Variants in TMEM63C observed in about 807,000 individuals in gnomAD.
The protein encoded by TMEM63C is transmembrane protein 63C.
A neutral mutation model predicts 99.2 loss-of-function variants in TMEM63C; 32 were observed. That is an observed-to-expected ratio of 0.32 (90% CI 0.24 to 0.43). The LOEUF (loss-of-function observed/expected upper bound fraction) is 0.43, where lower values mean the gene tolerates loss of function less well. Ranked by LOEUF, TMEM63C falls within the 20% of genes least tolerant of loss-of-function variation. TMEM63C has a pLI of 1.00. For missense variants in TMEM63C, 826 were observed against 1,053.0 expected, an observed-to-expected ratio of 0.78 and a Z score of 2.98; for synonymous variants, 376 against 397.9, an observed-to-expected ratio of 0.94 and a Z score of 0.66.
intron 1 of TMEM63C, among the ~76,000 whole-genome samples, chr14:77,183,329 T>C (rs933469029): frequency 8.5e-5 from 13 of 152,232 alleles, no homozygotes; most frequent in African/African-American, 3.1e-4. Flanking sequence ...AAGGGCCTCC[T>C]GATGGGTGTG....
chr14:77,240,675 C>T, intron 13 of TMEM63C, 67 bp downstream of exon 13: 1 of 1,564,282 alleles, frequency 6.4e-7, no homozygotes, highest in South Asian at 1.2e-5. Flanking sequence ...TCTCCTCCCT[C>T]TCCACCTCCA....
rs113202091 is a variant in TMEM63C at position 77,220,173 on chromosome 14, C to G, written c.312+86C>G. 7 of 1,305,912 alleles carry G rather than the reference C, an allele frequency of 5.4e-6. No individual in the cohort carries two copies. The African/African-American group carries it at 7.3e-5, about 14-fold the overall frequency. 80.9% of individuals were successfully genotyped at this position (1,305,912 alleles called of 1,614,324 possible). On this transcript the variant is annotated intron_variant, in intron 5 of 23. Transcript: ENST00000298351. ...TGCACAGGAAGAAACACGGCTTAGACCTTGGGGCTTTGTAATCAGCCAGCC... is the reference window on the plus strand; with the variant it reads ...TGCACAGGAAGAAACACGGCTTAGAGCTTGGGGCTTTGTAATCAGCCAGCC...
chr14:77,206,843 G>GT (rs1237240106), intron 1 of TMEM63C, among the ~76,000 whole-genome samples: 1 of 152,074 alleles, frequency 6.6e-6, no homozygotes, highest in Non-Finnish European at 1.5e-5. Context: ...AGAAAAAAAT[G>GT]TTAAGGACTG....
chr14:77,240,820 CGGG>C (rs1889157095), intron 13 of TMEM63C, among the ~76,000 whole-genome samples: 1 of 152,190 alleles, frequency 6.6e-6, no homozygotes, highest in Non-Finnish European at 1.5e-5. Flanking sequence ...GTGCCCAGGC[CGGG>C]GCTCCTCACT....
chr14:77,207,385 G>A (rs1175992300), intron 1 of TMEM63C, among the ~76,000 whole-genome samples: 1 of 152,210 alleles, frequency 6.6e-6, no homozygotes, highest in Non-Finnish European at 1.5e-5. Flanking sequence ...CATAAGATGG[G>A]ATAAAAATAG....
chr14:77,238,736 G>A lies in TMEM63C; in HGVS notation c.694G>A (p.Glu232Lys). ...LMITYVPKDIEDPELIIKHFH... is the reference protein window; with the variant it reads ...LMITYVPKDIKDPELIIKHFH... ...GATCACCTATGTGCCCAAGGACATT[G>A]AAGACCCAGAACTCATCATTAAGCA... Residue 232 changes from glutamate (E) to lysine (K), a missense_variant, in exon 10 of 24, where the codon GAA becomes AAA. Transcript: ENST00000298351. The A allele has an allele frequency of 3.7e-6, 6 of 1,613,994 alleles. No individual in the cohort carries two copies. The highest frequency in any genetic ancestry group is 2.2e-5 in the South Asian group (2 of 91,088).
At chr14:77,243,203 C>A (rs916280796) in intron 15 of TMEM63C, 147 bp downstream of exon 15, 5 of 974,342 alleles carry the variant, frequency 5.1e-6, no homozygotes, top group Non-Finnish European at 5.9e-6. Flanking sequence ...GTGCAAATGG[C>A]GGGGTAGGGC....
At chr14:77,247,172 A>T (rs902650886) in intron 18 of TMEM63C, among the ~76,000 whole-genome samples, 3 of 152,108 alleles carry the variant, frequency 2.0e-5, no homozygotes, top group African/African-American at 4.8e-5. Context: ...TTAAAAATCA[A>T]ATTTTTGACA....
At chr14:77,182,627 GA>G (rs1158329143) in intron 1 of TMEM63C, among the ~76,000 whole-genome samples, 1 of 152,018 alleles carries the variant, frequency 6.6e-6, no homozygotes, top group East Asian at 1.9e-4. Flanking sequence ...TTCCTCTCTA[GA>G]CCCCAGGACC....
intron 1 of TMEM63C, among the ~76,000 whole-genome samples, chr14:77,195,812 C>A (rs1051831391): frequency 6.6e-6 from 1 of 152,368 alleles, no homozygotes; most frequent in East Asian, 1.9e-4. Flanking sequence ...TGGTAGCTCC[C>A]AGCTCACCTA....
chr14:77,219,979 C>G, intron 4 of TMEM63C, 27 bp from the exon 5 acceptor site: 1 of 1,550,202 alleles, frequency 6.5e-7, no homozygotes, highest in Non-Finnish European at 8.7e-7. Flanking sequence ...TCCTTTCTTA[C>G]CTCCCTGCCC....
chr14:77,248,557 G>A, intron 19 of TMEM63C, 48 bp downstream of exon 19: 1 of 1,556,006 alleles, frequency 6.4e-7, no homozygotes, highest in Non-Finnish European at 8.7e-7. Flanking sequence ...TCCTTTGGGA[G>A]GGTGTCAGGG....
At chr14:77,186,595 G>A (rs1432625360) in intron 1 of TMEM63C, among the ~76,000 whole-genome samples, 1 of 152,154 alleles carries the variant, frequency 6.6e-6, no homozygotes, top group African/African-American at 2.4e-5. Flanking sequence ...GGAGGCTGAG[G>A]TGGGAGGATC....
chr14:77,200,632 C>G (rs1566617730), intron 1 of TMEM63C, among the ~76,000 whole-genome samples: 1 of 152,264 alleles, frequency 6.6e-6, no homozygotes, highest in African/African-American at 2.4e-5. Flanking sequence ...TGGCCCCCAT[C>G]CTGGCTCTGC....
Position 77,236,730 on chromosome 14 carries a change from A to G in TMEM63C, c.649A>G (p.Lys217Glu), listed in dbSNP as rs779730421. Residue 217 changes from lysine (K) to glutamate (E), a missense_variant and splice_region_variant, in exon 9 of 24, where the codon AAG (lysine) becomes GAG (glutamate). By Grantham distance (56) the Lys-to-Glu change is moderately conservative. Transcript: ENST00000298351. ...GGGGTTTGCACCCAGGAATAGCCAA[A>G]AGGTAAGTAGCCTACAAAGCTGCTT... ...CLGFAPRNSQKVTRTLMITYV... is the reference protein window; with the variant it reads ...CLGFAPRNSQEVTRTLMITYV... 1 of 1,606,250 alleles carries G rather than the reference A, an allele frequency of 6.2e-7. No homozygotes were observed.
At chr14:77,217,113 G>A (rs1483495996) in intron 2 of TMEM63C, among the ~76,000 whole-genome samples, 5 of 151,866 alleles carry the variant, frequency 3.3e-5, no homozygotes, top group Non-Finnish European at 5.9e-5. Flanking sequence ...CTATGATTGT[G>A]CCACCGTGAC....
chr14:77,223,430 T>C (rs1888760825), intron 5 of TMEM63C, among the ~76,000 whole-genome samples: 1 of 152,140 alleles, frequency 6.6e-6, no homozygotes, highest in Non-Finnish European at 1.5e-5. Context: ...CATGGTTCCC[T>C]GAGCAAGTTG....
chr14:77,236,551 C>A, intron 8 of TMEM63C, 73 bp from the exon 9 acceptor site: 4 of 1,089,688 alleles, frequency 3.7e-6, no homozygotes, highest in Non-Finnish European at 4.2e-6. Context: ...AGGAGGAGGC[C>A]CAGGGGTCTC....
chr14:77,240,304 G>A (rs1889145112), intron 12 of TMEM63C, among the ~76,000 whole-genome samples, 171 bp from the exon 13 acceptor site: 2 of 152,186 alleles, frequency 1.3e-5, no homozygotes, highest in Admixed American at 6.5e-5. Context: ...GGCAGTCATC[G>A]CCTCTTCTTG....
Sources: allele counts gnomAD v4.1 joint callset (sites outside exome capture counted in the v4.1 genomes callset), GRCh38; gene constraint gnomAD v4.1.1; transcripts MANE v1.5; gene names NCBI Gene and HGNC (gene_info 2026-07-23, HGNC 2026-07-21).